The following LSAMP variants were observed in gnomAD, a reference collection of about 807,000 sequenced individuals.
LSAMP encodes limbic system associated membrane protein.
LSAMP carries 7 observed loss-of-function variants against 38.6 expected under a neutral mutation model. The observed-to-expected ratio is 0.18, with a 90% CI of 0.10 to 0.34. The LOEUF (loss-of-function observed/expected upper bound fraction) is 0.34, where lower values mean the gene tolerates loss of function less well. LSAMP is among the 10% of genes least tolerant of loss of function. LSAMP has a pLI of 1.00. For synonymous variants in LSAMP, 154 were observed against 166.8 expected (o/e 0.92, Z 0.59); for missense variants, 313 against 420.0 (o/e 0.75, Z 2.23).
chr3:116,237,320 TA>T (rs2046476978), intron 1 of LSAMP, among the ~76,000 whole-genome samples: 1 of 152,170 alleles, frequency 6.6e-6, no homozygotes, highest in African/African-American at 2.4e-5. Flanking sequence ...TGTAAGTAAG[TA>T]AAACATTCAA....
intron 1 of LSAMP, among the ~76,000 whole-genome samples, chr3:116,193,227 A>G (rs1379198234): frequency 1.3e-5 from 2 of 152,226 alleles, no homozygotes; most frequent in Non-Finnish European, 1.5e-5. Flanking sequence ...AAACAGGGAT[A>G]GTAAGGCGTC....
chr3:115,961,792 C>T (rs1272630632), intron 3 of LSAMP, among the ~76,000 whole-genome samples: 1 of 152,138 alleles, frequency 6.6e-6, no homozygotes, highest in Non-Finnish European at 1.5e-5. Flanking sequence ...ATTTGAAATG[C>T]CTCCCTCCTG....
chr3:116,397,590 A>T (rs980742731), intron 1 of LSAMP, among the ~76,000 whole-genome samples: 1 of 152,156 alleles, frequency 6.6e-6, no homozygotes, highest in Non-Finnish European at 1.5e-5. Flanking sequence ...TTTAGTGCCC[A>T]GTGCTAGAAT....
intron 1 of LSAMP, among the ~76,000 whole-genome samples, chr3:116,408,342 G>A (rs1014396650): frequency 6.6e-6 from 1 of 152,004 alleles, no homozygotes; most frequent in African/African-American, 2.4e-5. Context: ...TCATTCTTTG[G>A]AGAAATTAAC....
intron 3 of LSAMP, among the ~76,000 whole-genome samples, chr3:115,916,566 T>C (rs2107514996): frequency 6.6e-6 from 1 of 152,306 alleles, no homozygotes; most frequent in East Asian, 1.9e-4. Context: ...TACCTTCTCT[T>C]GCACTTATTT....
chr3:116,192,027 AAAAG>A (rs1381246116), intron 1 of LSAMP, among the ~76,000 whole-genome samples: 6 of 152,070 alleles, frequency 3.9e-5, no homozygotes, highest in African/African-American at 1.4e-4. Flanking sequence ...TGAGGGAAAA[AAAAG>A]AGATAACAAA....
intron 1 of LSAMP, among the ~76,000 whole-genome samples, chr3:116,088,064 A>T (rs946277427): frequency 6.0e-5 from 9 of 149,022 alleles, no homozygotes; most frequent in African/African-American, 1.7e-4. Flanking sequence ...TAGCTAATTT[A>T]AAAAAAAAAT....
At chr3:116,287,890 C>G (rs1308999806) in intron 1 of LSAMP, among the ~76,000 whole-genome samples, 2 of 152,068 alleles carry the variant, frequency 1.3e-5, no homozygotes, top group African/African-American at 4.8e-5. Flanking sequence ...GAACACTGCA[C>G]AAGCCTCAGA....
chr3:116,326,653 T>C (rs935724201), intron 1 of LSAMP, among the ~76,000 whole-genome samples: 2 of 152,200 alleles, frequency 1.3e-5, no homozygotes, highest in African/African-American at 2.4e-5. Context: ...CCACAGTTGA[T>C]ACCATTTTTC....
chr3:115,919,231 G>C (rs1937327538), intron 3 of LSAMP, among the ~76,000 whole-genome samples: 1 of 152,170 alleles, frequency 6.6e-6, no homozygotes, highest in South Asian at 2.1e-4. Context: ...GATCCATTCA[G>C]AGTCCTGTTT....
chr3:116,096,766 C>T (rs1271052277), intron 1 of LSAMP, among the ~76,000 whole-genome samples: 1 of 152,148 alleles, frequency 6.6e-6, no homozygotes, highest in African/African-American at 2.4e-5. Context: ...ATTGGAGTTC[C>T]ACCTGAATTG....
intron 3 of LSAMP, among the ~76,000 whole-genome samples, chr3:115,869,046 C>G (rs375337709): frequency 6.6e-6 from 1 of 152,096 alleles, no homozygotes; most frequent in African/African-American, 2.4e-5. Flanking sequence ...TTCTAGCACA[C>G]AGTTTGAAAA....
intron 3 of LSAMP, among the ~76,000 whole-genome samples, chr3:115,872,569 A>G (rs1376393036): frequency 6.6e-6 from 1 of 152,158 alleles, no homozygotes; most frequent in Non-Finnish European, 1.5e-5. Flanking sequence ...GAAAGAAAAA[A>G]GAATTGAGCC....
intron 1 of LSAMP, among the ~76,000 whole-genome samples, chr3:116,268,770 T>C (rs2046929904): frequency 6.6e-6 from 1 of 152,120 alleles, no homozygotes; most frequent in East Asian, 1.9e-4. Flanking sequence ...TTGCTTATAA[T>C]TTGTTGCTCA....
intron 1 of LSAMP, among the ~76,000 whole-genome samples, chr3:116,372,299 C>T (rs2048439580): frequency 6.6e-6 from 1 of 151,854 alleles, no homozygotes; most frequent in Non-Finnish European, 1.5e-5. Flanking sequence ...GACAAGGGTA[C>T]CAAGACTATT....
intron 3 of LSAMP, among the ~76,000 whole-genome samples, chr3:115,915,231 C>A (rs921240528): frequency 5.9e-5 from 9 of 152,198 alleles, no homozygotes; most frequent in African/African-American, 1.4e-4. Context: ...TCTGAGACAA[C>A]TCCCATGCTA....
intron 2 of LSAMP, among the ~76,000 whole-genome samples, chr3:116,059,102 A>G (rs1230375545): frequency 6.6e-6 from 1 of 152,230 alleles, no homozygotes; most frequent in Non-Finnish European, 1.5e-5. Context: ...TGCAAATGAT[A>G]AATCTCCAGA....
At chr3:116,013,587 A>C (rs973871495) in intron 3 of LSAMP, among the ~76,000 whole-genome samples, 1 of 152,192 alleles carries the variant, frequency 6.6e-6, no homozygotes, top group Non-Finnish European at 1.5e-5. Context: ...CAGTAGATAC[A>C]CTGTTATTTA....
At chr3:116,370,687 G>A (rs943768130) in intron 1 of LSAMP, among the ~76,000 whole-genome samples, 1 of 152,162 alleles carries the variant, frequency 6.6e-6, no homozygotes, top group Admixed American at 6.5e-5. Context: ...AGTCACAGAA[G>A]TGCAGACAAA....
Sources: allele counts gnomAD v4.1 joint callset (sites outside exome capture counted in the v4.1 genomes callset), GRCh38; gene constraint gnomAD v4.1.1; transcripts MANE v1.5; gene names NCBI Gene and HGNC (gene_info 2026-07-23, HGNC 2026-07-21).